The following GALNT13 variants were observed in gnomAD, a reference collection of about 807,000 sequenced individuals.
The protein encoded by GALNT13 is UDP-GalNAc:polypeptide N-acetylgalactosaminyltransferase 13.
Under a neutral mutation model 64.2 loss-of-function variants are expected in GALNT13, and 28 were observed. That is an observed-to-expected ratio of 0.44 (90% confidence interval 0.32 to 0.60). The LOEUF (loss-of-function observed/expected upper bound fraction) is 0.60. Ranked by LOEUF, GALNT13 falls within the 20% of genes least tolerant of loss-of-function variation. GALNT13 has a pLI of 0.05. For synonymous variants in GALNT13, 214 were observed against 224.6 expected (o/e 0.95, Z 0.42); for missense variants, 577 against 669.8 (o/e 0.86, Z 1.53).
chr2:153,720,993 C>A, the GALNT13 span, among the ~76,000 whole-genome samples: 1 of 152,018 alleles, frequency 6.6e-6, no homozygotes, highest in Admixed American at 6.6e-5. Flanking sequence ...AACAGCAACT[C>A]CAAGATACAT....
chr2:153,629,306 A>G, the GALNT13 span, among the ~76,000 whole-genome samples: 2 of 151,894 alleles, frequency 1.3e-5, no homozygotes, highest in Non-Finnish European at 2.9e-5. Flanking sequence ...AGAGATATAG[A>G]TCAATGGAAC....
At chr2:153,402,404 T>G in the GALNT13 span, among the ~76,000 whole-genome samples, 2 of 151,214 alleles carry the variant, frequency 1.3e-5, no homozygotes, top group Admixed American at 1.3e-4. Flanking sequence ...CAATTATGTG[T>G]CTTGGAGTTG....
chr2:153,578,033 T>G, the GALNT13 span, among the ~76,000 whole-genome samples: 1 of 151,990 alleles, frequency 6.6e-6, no homozygotes, highest in African/African-American at 2.4e-5. Flanking sequence ...ATGCATATTA[T>G]TTTCTAAGTG....
chr2:153,247,494 TG>T, the GALNT13 span, among the ~76,000 whole-genome samples: 1 of 152,122 alleles, frequency 6.6e-6, no homozygotes, highest in Non-Finnish European at 1.5e-5. Context: ...CACTCAAAAC[TG>T]CACAACTACA....
intron 3 of GALNT13, among the ~76,000 whole-genome samples, chr2:153,945,459 C>A (rs1406091094): frequency 1.3e-5 from 2 of 152,044 alleles, no homozygotes; most frequent in African/African-American, 4.8e-5. Flanking sequence ...CTAACATATT[C>A]TCTGTTTGGC....
At chr2:154,191,429 C>T (rs1686572859) in intron 4 of GALNT13, among the ~76,000 whole-genome samples, 1 of 152,074 alleles carries the variant, frequency 6.6e-6, no homozygotes, top group Non-Finnish European at 1.5e-5. Flanking sequence ...AGAAAATTGT[C>T]ATTTTCGGAT....
rs1485624164 is a variant in GALNT13, at chr2:154,453,353, T to G, written c.*2802T>G. 1 of 151,954 alleles carries G rather than the reference T, an allele frequency of 6.6e-6. No individual in the cohort carries two copies. The highest frequency in any genetic ancestry group is 2.4e-5 in the African/African-American group (1 of 41,340). 9.4% of individuals were successfully genotyped at this position (151,954 alleles called of 1,614,324 possible). ...ACCACTCACCACACATACATACACA[T>G]GCACACACACACACATGCAATTCTA... On this transcript the variant is annotated 3_prime_UTR_variant, in exon 13 of 13. Transcript: ENST00000392825.
the GALNT13 span, among the ~76,000 whole-genome samples, chr2:153,222,214 C>G: frequency 7.7e-6 from 1 of 130,698 alleles, no homozygotes; most frequent in African/African-American, 2.8e-5. Flanking sequence ...GGCAGGTCAT[C>G]CTGAGGAGTG....
intron 7 of GALNT13, among the ~76,000 whole-genome samples, chr2:154,254,736 G>A (rs1044519473): frequency 6.6e-6 from 1 of 152,144 alleles, no homozygotes; most frequent in Non-Finnish European, 1.5e-5. Context: ...ACTGAACAGA[G>A]TCAAAGGAGT....
intron 3 of GALNT13, among the ~76,000 whole-genome samples, chr2:153,976,504 T>C (rs1226861063): frequency 1.3e-5 from 2 of 152,162 alleles, no homozygotes. Context: ...CAATTAGGTA[T>C]TAGTTTATCA....
intron 3 of GALNT13, among the ~76,000 whole-genome samples, chr2:154,053,107 T>C (rs1290981636): frequency 4.6e-5 from 7 of 152,314 alleles, no homozygotes; most frequent in Non-Finnish European, 5.9e-5. Context: ...CCACAGCTGA[T>C]GTAATTTGAT....
chr2:154,183,928 T>C (rs1286282813), intron 4 of GALNT13, among the ~76,000 whole-genome samples: 3 of 151,982 alleles, frequency 2.0e-5, no homozygotes, highest in Admixed American at 6.6e-5. Context: ...TTATTTGAAA[T>C]TTTTCTTTAT....
At chr2:154,379,719 A>G (rs114799681) in intron 9 of GALNT13, among the ~76,000 whole-genome samples, 31 of 152,194 alleles carry the variant, frequency 2.0e-4, no homozygotes, top group African/African-American at 7.2e-4. Context: ...TAACTGTACA[A>G]TTTTAATGCT....
the GALNT13 span, among the ~76,000 whole-genome samples, chr2:153,367,701 C>A: frequency 6.6e-6 from 1 of 152,024 alleles, no homozygotes; most frequent in Non-Finnish European, 1.5e-5. Flanking sequence ...TGTAACATAA[C>A]AAATTAGTAT....
chr2:153,337,851 T>C, the GALNT13 span: 1 of 152,140 alleles, frequency 6.6e-6, no homozygotes, highest in African/African-American at 2.4e-5. Flanking sequence ...TGGATGTTCT[T>C]TGGGATTCTA....
At chr2:154,244,115 A>G (rs149268284) in intron 6 of GALNT13, among the ~76,000 whole-genome samples, 2 of 151,776 alleles carry the variant, frequency 1.3e-5, no homozygotes, top group Non-Finnish European at 1.5e-5. Flanking sequence ...TTTTTTCCAC[A>G]TGTGTTTCAT....
chr2:153,087,511 T>A, the GALNT13 span, among the ~76,000 whole-genome samples: 1 of 152,142 alleles, frequency 6.6e-6, no homozygotes, highest in Non-Finnish European at 1.5e-5. Context: ...TTAGGGACAA[T>A]TTGTTCTCTG....
At chr2:153,687,664 T>C in the GALNT13 span, among the ~76,000 whole-genome samples, 1 of 151,976 alleles carries the variant, frequency 6.6e-6, no homozygotes, top group Non-Finnish European at 1.5e-5. Flanking sequence ...ATTTAATAAA[T>C]CTATGATCCT....
chr2:153,542,369 A>C, the GALNT13 span, among the ~76,000 whole-genome samples: 2 of 130,114 alleles, frequency 1.5e-5, no homozygotes, highest in Non-Finnish European at 1.5e-5. Flanking sequence ...CAAAAAAAAA[A>C]CCGGAAGTAG....
Sources: gnomAD v4.1 joint callset for allele counts (sites outside exome capture counted in the v4.1 genomes callset) on GRCh38, gnomAD v4.1.1 for gene constraint, MANE v1.5 for transcripts, NCBI Gene and HGNC (gene_info 2026-07-23, HGNC 2026-07-21) for gene names.